The following HS3ST3A1 variants were observed in gnomAD, a reference collection of about 807,000 sequenced individuals.
The protein encoded by HS3ST3A1 is heparan sulfate-glucosamine 3-sulfotransferase 3A1, also known as heparan sulfate glucosamine 3-O-sulfotransferase 3A1.
A neutral mutation model predicts 25.7 loss-of-function variants in HS3ST3A1; 19 were observed. That is an observed-to-expected ratio of 0.74 (90% CI 0.52 to 1.08). The LOEUF is 1.08. Among genes scored for constraint, HS3ST3A1 ranks in the 50% least tolerant of loss-of-function variants. The pLI is 0.00. For missense variants in HS3ST3A1, 459 were observed against 594.3 expected (o/e 0.77, Z 2.37); for synonymous variants, 226 against 278.6 (o/e 0.81, Z 1.88).
rs974917991 is a variant in HS3ST3A1 at position 13,600,595 on chromosome 17, G to C, written c.535C>G (p.Arg179Gly). 6.9e-6 allele frequency: 11 copies of C among 1,600,286 alleles called. No individual in the cohort carries two copies. The African/African-American group carries it at 1.5e-4, about 21-fold the overall frequency. The change falls in exon 1 of 2, where the codon CGC (arginine) becomes GGC (glycine). Residue 179 changes from arginine to glycine, a missense_variant. Arg to Gly is a moderately radical substitution (Grantham distance 125, BLOSUM62 -2). Transcript: ENST00000284110. The stretch of plus-strand genomic sequence containing the variant: ...AAGTGGGGCTCGGCGCCCACGGCGC[G>C]CACGTCGGGGTGCACGCGCAGGAAC... ...LEFLRVHPDV[R>G]AVGAEPHFFD...
chr17:13,536,981 A>G (rs1315317980), intron 1 of HS3ST3A1, among the ~76,000 whole-genome samples: 1 of 152,180 alleles, frequency 6.6e-6, no homozygotes, highest in African/African-American at 2.4e-5. Flanking sequence ...CACCTATGCT[A>G]AGTGACCTGA....
intron 1 of HS3ST3A1, among the ~76,000 whole-genome samples, chr17:13,577,082 T>A (rs1907963879): frequency 6.6e-6 from 1 of 152,142 alleles, no homozygotes; most frequent in African/African-American, 2.4e-5. Flanking sequence ...GCAGGGGAAC[T>A]CCCCTTTATA....
rs1455453481 is a variant in HS3ST3A1 at position 13,528,986 on chromosome 17, C to T, written c.600-32168G>A. Among the ~76,000 whole-genome samples the T allele has an allele frequency of 5.3e-5, 8 of 152,040 alleles. No individual in the cohort carries two copies. The East Asian group carries it at 1.4e-3, about 26-fold the overall frequency. ...TGGGAAATACGGGATCCAACATAAA[C>T]AGCTGTCACAAACACTCTATGTATA... On this transcript the variant is annotated intron_variant, in intron 1 of 1. Transcript: ENST00000284110.
In HS3ST3A1 at chr17:13,596,064, T is replaced by C. The variant is rs542563255; in HGVS notation, c.599+4467A>G. 2.0e-5 allele frequency among the ~76,000 whole-genome samples: 3 copies of C among 152,302 alleles called. No individual in the cohort carries two copies. In the East Asian group the frequency reaches 5.8e-4, roughly 29 times the overall value. On this transcript the variant is annotated intron_variant, in intron 1 of 1. Coordinates refer to ENST00000284110, the MANE Select transcript of HS3ST3A1 (RefSeq NM_006042.3). ...AGACTTATTTAAAGGAGACAAATATTTTGGCCAGGGTATTTTCTTTTTAAA... is the reference window on the plus strand; with the variant it reads ...AGACTTATTTAAAGGAGACAAATATCTTGGCCAGGGTATTTTCTTTTTAAA...
chr17:13,577,035 A>T (rs1329068359), intron 1 of HS3ST3A1, among the ~76,000 whole-genome samples: 6 of 152,212 alleles, frequency 3.9e-5, no homozygotes, highest in Admixed American at 1.3e-4. Context: ...GGAAGAGCAA[A>T]GGCATGCTTT....
At chr17:13,596,569 A>G (rs1258971461) in intron 1 of HS3ST3A1, among the ~76,000 whole-genome samples, 5 of 151,880 alleles carry the variant, frequency 3.3e-5, no homozygotes, top group African/African-American at 4.8e-5. Context: ...CAGGTGGGGA[A>G]TGTCTAGGTA....
intron 1 of HS3ST3A1, among the ~76,000 whole-genome samples, chr17:13,514,574 T>C (rs891238268): frequency 6.6e-6 from 1 of 152,230 alleles, no homozygotes; most frequent in South Asian, 2.1e-4. Context: ...CTGGCATTAG[T>C]AGAGCACTCT....
chr17:13,504,083 A>T (rs1398564162), intron 1 of HS3ST3A1, among the ~76,000 whole-genome samples: 1 of 152,042 alleles, frequency 6.6e-6, no homozygotes, highest in Non-Finnish European at 1.5e-5. Context: ...GGGAGGCCGC[A>T]GTGGGTGGAT....
chr17:13,585,186 C>CTTTTTTTTTTTTTTTTTTTTTTT lies in HS3ST3A1; in HGVS notation c.599+15322_599+15344dup, dbSNP rs71144977. ...CAATCTAAATACTCATTTTTCTGTG[C>CTTTTTTTTTTTTTTTTTTTTTTT]TTTTTTTTTTTTTTTTTTTTTTTTT... On this transcript the variant is annotated intron_variant, in intron 1 of 1. Coordinates refer to ENST00000284110, the MANE Select transcript of HS3ST3A1 (RefSeq NM_006042.3). 2.7e-4 allele frequency among the ~76,000 whole-genome samples: 9 copies of CTTTTTTTTTTTTTTTTTTTTTTT among 33,246 alleles called. 3 individuals are homozygous for CTTTTTTTTTTTTTTTTTTTTTTT. The highest frequency in any genetic ancestry group is 3.5e-4 in the African/African-American group (3 of 8,480). The allele number at this position is 33,246 out of a possible 152,430, so 21.8% of individuals were successfully genotyped here.
At chr17:13,530,702 T>A (rs1906579694) in intron 1 of HS3ST3A1, among the ~76,000 whole-genome samples, 1 of 152,182 alleles carries the variant, frequency 6.6e-6, no homozygotes, top group South Asian at 2.1e-4. Flanking sequence ...AATCATGGCC[T>A]TTCTCTGCTT....
intron 1 of HS3ST3A1, among the ~76,000 whole-genome samples, chr17:13,598,269 T>G (rs1304262420): frequency 2.0e-5 from 3 of 152,180 alleles, no homozygotes; most frequent in Non-Finnish European, 4.4e-5. Context: ...GGGAGATTTT[T>G]TTTTCATAGA....
intron 1 of HS3ST3A1, among the ~76,000 whole-genome samples, chr17:13,568,961 T>C (rs1224276637): frequency 4.6e-5 from 7 of 152,166 alleles, no homozygotes; most frequent in Admixed American, 3.9e-4. Context: ...TGAGAGACTT[T>C]TTTTATTTTT....
intron 1 of HS3ST3A1, among the ~76,000 whole-genome samples, chr17:13,522,226 T>G (rs1317753136): frequency 8.1e-6 from 1 of 122,718 alleles, no homozygotes; most frequent in Non-Finnish European, 1.8e-5. Context: ...TAACATGGAT[T>G]ATGGTAAAAA....
chr17:13,508,788 C>A (rs891077711), intron 1 of HS3ST3A1, among the ~76,000 whole-genome samples: 2 of 152,140 alleles, frequency 1.3e-5, no homozygotes, highest in African/African-American at 4.8e-5. Context: ...AACTAAAATT[C>A]ACAAACAACC....
chr17:13,597,254 A>G (rs1231926846), intron 1 of HS3ST3A1, among the ~76,000 whole-genome samples: 3 of 152,092 alleles, frequency 2.0e-5, no homozygotes, highest in Non-Finnish European at 2.9e-5. Flanking sequence ...CTACTTTATT[A>G]ATAAGTATCT....
At chr17:13,537,443 C>T (rs114347091) in intron 1 of HS3ST3A1, among the ~76,000 whole-genome samples, 2,334 of 152,276 alleles carry the variant, frequency 0.015, 57 homozygotes, top group African/African-American at 0.053. Flanking sequence ...TTCCAGGCTC[C>T]GGGGGCCGCC....
chr17:13,579,877 G>A (rs752288415), intron 1 of HS3ST3A1, among the ~76,000 whole-genome samples: 2 of 148,370 alleles, frequency 1.3e-5, no homozygotes, highest in Non-Finnish European at 3.0e-5. Flanking sequence ...GAGCCTGGGA[G>A]GCAGAGGTTG....
chr17:13,555,572 A>C (rs1162216721), intron 1 of HS3ST3A1, among the ~76,000 whole-genome samples: 18 of 152,232 alleles, frequency 1.2e-4, no homozygotes, highest in Admixed American at 1.2e-3. Flanking sequence ...ACTTGATTAA[A>C]GAGTTTCTCA....
intron 1 of HS3ST3A1, among the ~76,000 whole-genome samples, chr17:13,579,289 T>C (rs1373047117): frequency 2.0e-5 from 3 of 152,132 alleles, no homozygotes; most frequent in Non-Finnish European, 4.4e-5. Flanking sequence ...TATTCTAAAC[T>C]CTTACTCAAT....
Sources: gnomAD v4.1 joint callset for allele counts (sites outside exome capture counted in the v4.1 genomes callset) on GRCh38, gnomAD v4.1.1 for gene constraint, MANE v1.5 for transcripts, NCBI Gene and HGNC (gene_info 2026-07-23, HGNC 2026-07-21) for gene names.